Variants in CRHR2 observed in about 807,000 individuals in gnomAD.
CRHR2 encodes the protein corticotropin-releasing hormone receptor 2.
Under a neutral mutation model 57.9 loss-of-function variants are expected in CRHR2, and 53 were observed. The ratio of observed to expected loss-of-function variants is 0.92; its 90% CI spans 0.73 to 1.15. The LOEUF is 1.15. Among genes scored for constraint, CRHR2 ranks in the 50% most tolerant of loss-of-function variants. CRHR2 has a pLI of 0.00. For synonymous variants in CRHR2, 213 were observed against 220.9 expected (o/e 0.96, Z 0.32); for missense variants, 532 against 542.6 (o/e 0.98, Z 0.19).
At chr7:30,669,334 A>G (rs927506609) in intron 2 of CRHR2, among the ~76,000 whole-genome samples, 8 of 152,126 alleles carry the variant, frequency 5.3e-5, no homozygotes, top group African/African-American at 1.7e-4. Flanking sequence ...CCCTTGCCCC[A>G]TGACCAGCCT....
At chr7:30,658,089 G>A (rs1234198591) in intron 8 of CRHR2, among the ~76,000 whole-genome samples, 1 of 152,160 alleles carries the variant, frequency 6.6e-6, no homozygotes, top group Non-Finnish European at 1.5e-5. Flanking sequence ...TATGTAACCT[G>A]AAAATCCTTC....
Position 30,656,031 on chromosome 7 carries a change from T to A in CRHR2, c.832-19A>T. ...AATTGATCTGGAGGGAGGGCGGGCA[T>A]GGGAAAGAGGGAAAAGGAAGGAGCA... On this transcript the variant is annotated intron_variant, in intron 8 of 11. Transcript: ENST00000471646. This position sits in a 1 kb window ranked among gnomAD's most constrained non-coding sequence, Gnocchi z 4.4. 1 of 1,422,714 alleles carries A rather than the reference T, an allele frequency of 7.0e-7. No individual in the cohort carries two copies. Among genetic ancestry groups the A allele is most frequent in the Non-Finnish European group, 9.9e-7 (1 of 1,012,922 alleles). 88.1% of individuals were successfully genotyped at this position (1,422,714 alleles called of 1,614,324 possible).
intron 5 of CRHR2, among the ~76,000 whole-genome samples, chr7:30,664,629 A>G (rs534788176): frequency 9.2e-5 from 14 of 152,226 alleles, no homozygotes; most frequent in African/African-American, 3.1e-4. Context: ...TGCTCCTCCC[A>G]GCCCAGCTCT....
At chr7:30,678,647 T>C (rs773014301) in intron 2 of CRHR2, among the ~76,000 whole-genome samples, 1 of 48,942 alleles carries the variant, frequency 2.0e-5, no homozygotes, top group Admixed American at 2.1e-4. Flanking sequence ...CTTGGTGCTC[T>C]CTTGAGCTTT....
chr7:30,665,659 C>T lies in CRHR2; in HGVS notation c.316-20G>A. 3 of 1,549,490 alleles carry T rather than the reference C, an allele frequency of 1.9e-6. No homozygotes were observed. Among genetic ancestry groups the T allele is most frequent in the South Asian group, 1.2e-5 (1 of 83,980 alleles). The stretch of plus-strand genomic sequence containing the variant: ...CCTCTGCTGGACAGACAGACATGGG[C>T]AGGGCAGATGGAGGCATGGGCACGT... On this transcript the variant is annotated intron_variant, in intron 3 of 11. Coordinates refer to ENST00000471646, the MANE Select transcript of CRHR2 (RefSeq NM_001883.5). This position sits in a 1 kb window ranked among gnomAD's most constrained non-coding sequence, Gnocchi z 4.5.
At chr7:30,677,367 G>A (rs953882666) in intron 2 of CRHR2, among the ~76,000 whole-genome samples, 6 of 152,160 alleles carry the variant, frequency 3.9e-5, no homozygotes, top group African/African-American at 1.4e-4. Context: ...CGTGTGGAAT[G>A]GGGAGAGGTG....
chr7:30,681,983 C>T lies in CRHR2; in HGVS notation c.161G>A (p.Ser54Asn), dbSNP rs747909266. The change falls in exon 2 of 12, where the codon AGC becomes AAC. Residue 54 changes from serine (S) to asparagine (N), a missense_variant. Physicochemically the swap from Ser to Asn is conservative, Grantham distance 46. Transcript: ENST00000471646. ...LDQIGTCWPR[S>N]AAGALVERPC... Reference sequence around the variant, plus strand: ...CCTCTCCACGAGGGCTCCGGCAGCGCTGCGGGGCCAGCACGTTCCGATCTG... The same window carrying T: ...CCTCTCCACGAGGGCTCCGGCAGCGTTGCGGGGCCAGCACGTTCCGATCTG... The T allele has an allele frequency of 6.2e-7, 1 of 1,609,768 alleles. No homozygotes were observed. The highest frequency in any genetic ancestry group is 1.1e-5 in the South Asian group (1 of 90,110).
chr7:30,696,174 G>A (rs985946672), intron 1 of CRHR2, among the ~76,000 whole-genome samples: 26 of 150,932 alleles, frequency 1.7e-4, no homozygotes, highest in African/African-American at 6.2e-4. Flanking sequence ...GGGCTAACAG[G>A]TACCAAAAAA....
chr7:30,685,291 A>G (rs545117549), upstream of CRHR2, among the ~76,000 whole-genome samples: 10 of 152,356 alleles, frequency 6.6e-5, no homozygotes, highest in East Asian at 9.6e-4. Flanking sequence ...ACACAGAGCC[A>G]CAGTTATGCA....
At chr7:30,695,158 C>T (rs1216203548) in intron 1 of CRHR2, among the ~76,000 whole-genome samples, 1 of 83,460 alleles carries the variant, frequency 1.2e-5, no homozygotes, top group Non-Finnish European at 2.3e-5. Context: ...TGAGACTGGC[C>T]GAGGGGCGGG....
chr7:30,672,084 G>C (rs1031042108), intron 2 of CRHR2, among the ~76,000 whole-genome samples: 1 of 152,178 alleles, frequency 6.6e-6, no homozygotes, highest in Non-Finnish European at 1.5e-5. Flanking sequence ...TGGGGACCTC[G>C]GAGAGCTCCT....
At chr7:30,685,429 A>G (rs989814148), upstream of CRHR2, among the ~76,000 whole-genome samples, 2 of 152,186 alleles carry the variant, frequency 1.3e-5, no homozygotes, top group African/African-American at 4.8e-5. Context: ...GTTAGACTAC[A>G]TAGAGAGGGA....
upstream of CRHR2, among the ~76,000 whole-genome samples, chr7:30,687,419 G>T (rs960881313): frequency 2.0e-5 from 3 of 151,206 alleles, no homozygotes; most frequent in Admixed American, 6.6e-5. Context: ...CGAAACTATG[G>T]ACACACTATT....
intron 2 of CRHR2, among the ~76,000 whole-genome samples, chr7:30,670,536 C>A (rs746029316): frequency 3.3e-5 from 5 of 152,324 alleles, no homozygotes; most frequent in Middle Eastern, 3.4e-3. Context: ...CTCTGGCAGC[C>A]CAGCCCTGCC....
At chr7:30,685,699 C>T (rs772640887), upstream of CRHR2, among the ~76,000 whole-genome samples, 4 of 152,200 alleles carry the variant, frequency 2.6e-5, no homozygotes, top group Non-Finnish European at 5.9e-5. Flanking sequence ...CATCCAATCC[C>T]ACATTCTTGT....
chr7:30,676,425 G>A (rs931765693), intron 2 of CRHR2, among the ~76,000 whole-genome samples: 4 of 152,278 alleles, frequency 2.6e-5, no homozygotes, highest in East Asian at 3.9e-4. Flanking sequence ...TGAGTTTCCG[G>A]ATTTACAGCT....
intron 2 of CRHR2, among the ~76,000 whole-genome samples, chr7:30,671,924 A>G (rs1235566303): frequency 6.6e-6 from 1 of 152,138 alleles, no homozygotes; most frequent in South Asian, 2.1e-4. Context: ...TAGTAGTAGT[A>G]GTGGTGGTGA....
At chr7:30,688,723 G>C in intron 2 of CRHR2, 3 of 446,474 alleles carry the variant, frequency 6.7e-6, no homozygotes, top group South Asian at 4.8e-5. Flanking sequence ...GTGCAGCTCT[G>C]CAGTGGCTGG....
intron 2 of CRHR2, chr7:30,689,101 C>G: frequency 8.3e-7 from 1 of 1,201,320 alleles, no homozygotes; most frequent in East Asian, 2.6e-5. Context: ...CCCTGCTGAG[C>G]CTGGGCTGGC....
Sources: gnomAD v4.1 joint callset for allele counts (sites outside exome capture counted in the v4.1 genomes callset) on GRCh38, gnomAD v4.1.1 for gene constraint, Gnocchi (gnomAD v3.1) non-coding constraint, MANE v1.5 for transcripts, NCBI Gene and HGNC (gene_info 2026-07-23, HGNC 2026-07-21) for gene names.